The following FRMD5 variants were observed in gnomAD, a reference collection of about 807,000 sequenced individuals.
The protein encoded by FRMD5 is FERM domain-containing protein 5.
Under a neutral mutation model 69.0 loss-of-function variants are expected in FRMD5, and 20 were observed. The observed-to-expected ratio is 0.29, with a 90% confidence interval of 0.20 to 0.42. The LOEUF (loss-of-function observed/expected upper bound fraction) is 0.42. Ranked by LOEUF, FRMD5 falls within the 10% of genes least tolerant of loss-of-function variation. The probability of loss-of-function intolerance (pLI) is 1.00; values close to 1 mark genes in which losing one functional copy is unlikely to be tolerated. For synonymous variants in FRMD5, 271 were observed against 260.1 expected, an observed-to-expected ratio of 1.04 and a Z score of -0.40; for missense variants, 595 against 708.6, an observed-to-expected ratio of 0.84 and a Z score of 1.82.
At chr15:43,958,888 TAGAAAC>T (rs1247570522) in intron 1 of FRMD5, among the ~76,000 whole-genome samples, 2 of 152,178 alleles carry the variant, frequency 1.3e-5, no homozygotes, top group African/African-American at 4.8e-5. Context: ...ACAGACTCCT[TAGAAAC>T]AGAAACAAAC....
At chr15:43,889,215 A>C (rs1023277398) in intron 8 of FRMD5, among the ~76,000 whole-genome samples, 1 of 152,208 alleles carries the variant, frequency 6.6e-6, no homozygotes, top group Non-Finnish European at 1.5e-5. Context: ...CAGGTGCATT[A>C]TCTGGATGGG....
chr15:44,038,142 G>T (rs994491379), intron 1 of FRMD5, among the ~76,000 whole-genome samples: 18 of 152,088 alleles, frequency 1.2e-4, no homozygotes, highest in South Asian at 2.1e-4. Flanking sequence ...CTTTTTGATG[G>T]GGTTTTTTTT....
At chr15:44,119,347 C>G (rs888848973) in intron 1 of FRMD5, among the ~76,000 whole-genome samples, 35 of 152,102 alleles carry the variant, frequency 2.3e-4, no homozygotes, top group African/African-American at 8.5e-4. Flanking sequence ...CCAATCTTCC[C>G]AAGATCCATG....
chr15:43,983,122 G>T (rs1003427494), intron 1 of FRMD5, among the ~76,000 whole-genome samples: 1 of 152,034 alleles, frequency 6.6e-6, no homozygotes, highest in African/African-American at 2.4e-5. Flanking sequence ...GTAGAGATAG[G>T]GTTTCACTGT....
chr15:44,193,454 C>A (rs778850889), intron 1 of FRMD5, among the ~76,000 whole-genome samples: 21 of 152,134 alleles, frequency 1.4e-4, no homozygotes, highest in Admixed American at 1.2e-3. Flanking sequence ...AAAAACTGGA[C>A]ATGGCACAAT....
At chr15:44,011,467 A>G (rs1890718699) in intron 1 of FRMD5, among the ~76,000 whole-genome samples, 1 of 152,208 alleles carries the variant, frequency 6.6e-6, no homozygotes, top group African/African-American at 2.4e-5. Context: ...CAGGAGAGAA[A>G]TAGAAGAAGG....
chr15:44,160,796 T>C lies in FRMD5; in HGVS notation c.102+34157A>G, dbSNP rs138569190. ...AACTAGCAATATCTTAGTATTTTAT[T>C]TGATGATTCCTTGTCTATAAAATTC... On this transcript the variant is annotated intron_variant, in intron 1 of 13. Coordinates refer to ENST00000417257, the MANE Select transcript of FRMD5 (RefSeq NM_032892.5). 3.8e-3 allele frequency among the ~76,000 whole-genome samples: 572 copies of C among 152,392 alleles called. 4 individuals are homozygous for C. Among genetic ancestry groups the C allele is most frequent in the African/African-American group, 0.013 (535 of 41,590 alleles).
At chr15:43,989,909 T>C in intron 1 of FRMD5, 1 of 1,149,334 alleles carries the variant, frequency 8.7e-7, no homozygotes, top group East Asian at 2.4e-5. Context: ...CACAGCTCGT[T>C]GTAGAAGGTG....
intron 1 of FRMD5, among the ~76,000 whole-genome samples, chr15:44,185,731 T>C (rs2078088404): frequency 6.6e-6 from 1 of 151,678 alleles, no homozygotes; most frequent in South Asian, 2.1e-4. Context: ...AGGCAGAGGT[T>C]GCAATGAGCC....
intron 1 of FRMD5, among the ~76,000 whole-genome samples, chr15:43,927,779 A>G (rs1355930250): frequency 6.6e-6 from 1 of 151,848 alleles, no homozygotes; most frequent in Non-Finnish European, 1.5e-5. Flanking sequence ...CTACTACAGT[A>G]TGATGTGAGT....
intron 7 of FRMD5, among the ~76,000 whole-genome samples, chr15:43,899,869 G>A (rs981058543): frequency 5.3e-5 from 8 of 152,190 alleles, no homozygotes; most frequent in Non-Finnish European, 1.0e-4. Flanking sequence ...CAGGCTGGCT[G>A]CCACTACAGC....
At chr15:44,155,088 G>T (rs917130446) in intron 1 of FRMD5, among the ~76,000 whole-genome samples, 4 of 152,120 alleles carry the variant, frequency 2.6e-5, no homozygotes, top group African/African-American at 9.7e-5. Flanking sequence ...ATAAAAGATG[G>T]ATAATAACAT....
At chr15:44,197,240 C>G (rs1476817213), upstream of FRMD5, among the ~76,000 whole-genome samples, 3 of 151,682 alleles carry the variant, frequency 2.0e-5, no homozygotes, top group Non-Finnish European at 4.4e-5. Flanking sequence ...ATGGAATTGA[C>G]AGGTGTTCTA....
chr15:43,985,355 G>A (rs1274117148), intron 1 of FRMD5, among the ~76,000 whole-genome samples: 2 of 151,726 alleles, frequency 1.3e-5, no homozygotes, highest in Non-Finnish European at 1.5e-5. Flanking sequence ...CTTGTAACTG[G>A]GAAGCCATGG....
chr15:44,118,584 T>C (rs2076903022), intron 1 of FRMD5, among the ~76,000 whole-genome samples: 1 of 152,178 alleles, frequency 6.6e-6, no homozygotes, highest in South Asian at 2.1e-4. Context: ...TATCCTACCA[T>C]TTCACTGTAC....
At chr15:44,191,159 C>G (rs915445959) in intron 1 of FRMD5, among the ~76,000 whole-genome samples, 1 of 152,144 alleles carries the variant, frequency 6.6e-6, no homozygotes, top group Non-Finnish European at 1.5e-5. Flanking sequence ...GAGTAGCTCA[C>G]CTTTCAGTAA....
At chr15:44,136,317 C>G (rs984441328) in intron 1 of FRMD5, among the ~76,000 whole-genome samples, 1 of 152,100 alleles carries the variant, frequency 6.6e-6, no homozygotes, top group African/African-American at 2.4e-5. Flanking sequence ...AGCCACGGTG[C>G]CTGGCCTGAA....
At chr15:44,025,949 T>TA (rs759782399) in intron 1 of FRMD5, among the ~76,000 whole-genome samples, 24 of 152,176 alleles carry the variant, frequency 1.6e-4, no homozygotes, top group South Asian at 6.2e-4. Context: ...ATGGTCAGCC[T>TA]AATTTCCTTC....
At position 44,001,795 on chromosome 15, in the gene FRMD5, A is replaced by G. The variant is rs148348348; in HGVS notation, c.103-77486T>C. 4.9e-3 allele frequency among the ~76,000 whole-genome samples: 745 copies of G among 152,022 alleles called. 12 individuals carry two copies. Among genetic ancestry groups the G allele is most frequent in the African/African-American group, 0.017 (714 of 41,482 alleles). ...CTAATTTTTTTGTATTTTTTGTAAA[A>G]ATGGGGTTTCAAAATGTTGTCTTGA... is the stretch of plus-strand genomic sequence containing the variant. On this transcript the variant is annotated intron_variant, in intron 1 of 13. Transcript: ENST00000417257.
Sources: gnomAD v4.1 joint callset for allele counts (sites outside exome capture counted in the v4.1 genomes callset) on GRCh38, gnomAD v4.1.1 for gene constraint, MANE v1.5 for transcripts, NCBI Gene and HGNC (gene_info 2026-07-23, HGNC 2026-07-21) for gene names.